Variants in CYTH4 observed in about 807,000 individuals in gnomAD.
The protein encoded by CYTH4 is cytohesin-4.
In CYTH4, 22 loss-of-function variants were observed where a neutral mutation model predicts 57.5. The observed-to-expected ratio is 0.38, with a 90% CI of 0.27 to 0.55. CYTH4 has a LOEUF of 0.55. Ranked by LOEUF, CYTH4 falls within the 20% of genes least tolerant of loss-of-function variation. The pLI is 0.74. For missense variants in CYTH4, 420 were observed against 535.6 expected (o/e 0.78, Z 2.13); for synonymous variants, 186 against 206.5 (o/e 0.90, Z 0.85).
chr22:37,294,601 C>G, intron 2 of CYTH4, 59 bp from the exon 3 acceptor site: 1 of 1,596,938 alleles, frequency 6.3e-7, no homozygotes. Flanking sequence ...TGGTCTCAAA[C>G]CCCCGGGGTT....
rs2269591 is a variant in CYTH4 at position 37,311,921 on chromosome 22, C to T, written c.958-99C>T. 574,044 of 1,457,480 alleles carry T rather than the reference C, an allele frequency of 0.39. 117,275 individuals are homozygous for T. Among genetic ancestry groups the T allele is most frequent in the South Asian group, 0.65 (50,430 of 77,158 alleles). The allele number at this position is 1,457,480 out of a possible 1,614,324, so 90.3% of individuals were successfully genotyped here. On this transcript the variant is annotated intron_variant, in intron 11 of 12. Transcript: ENST00000248901. This position sits in a 1 kb window ranked among gnomAD's most constrained non-coding sequence, Gnocchi z 4.4. ...CCCTTCGCCTGTCGTAGGGCTGTCA[C>T]GCTGATCAGGGACACTAGCGTCTGG...
intron 1 of CYTH4, among the ~76,000 whole-genome samples, chr22:37,287,532 C>G (rs1427399321): frequency 6.6e-6 from 1 of 152,172 alleles, no homozygotes; most frequent in Non-Finnish European, 1.5e-5. Context: ...TGGTTTTTTC[C>G]CATGGATGAG....
intron 1 of CYTH4, among the ~76,000 whole-genome samples, chr22:37,286,141 T>C (rs1928551477): frequency 6.6e-6 from 1 of 152,090 alleles, no homozygotes; most frequent in South Asian, 2.1e-4. Flanking sequence ...TTCTGCATCT[T>C]GCCTTTATTC....
At chr22:37,312,850 T>G (rs1191323070) in intron 12 of CYTH4, among the ~76,000 whole-genome samples, 1 of 152,202 alleles carries the variant, frequency 6.6e-6, no homozygotes. Flanking sequence ...GCTCAAGGCT[T>G]GACTCTGAGC....
chr22:37,308,021 G>A (rs957085097), intron 8 of CYTH4, among the ~76,000 whole-genome samples: 2 of 152,142 alleles, frequency 1.3e-5, no homozygotes, highest in Non-Finnish European at 1.5e-5. Flanking sequence ...CGTGGAGAAC[G>A]GCAGTCTGCT....
chr22:37,299,964 C>T (rs1929120248), intron 6 of CYTH4: 1 of 690,148 alleles, frequency 1.4e-6, no homozygotes, highest in African/African-American at 1.8e-5. Flanking sequence ...GCACTCCAGC[C>T]TGGGCAACAG....
chr22:37,300,782 G>C, intron 6 of CYTH4, 125 bp from the exon 7 acceptor site: 1 of 759,700 alleles, frequency 1.3e-6, no homozygotes, highest in South Asian at 1.7e-5. Context: ...CGTCAGCCCA[G>C]ATGACAGTTG....
In CYTH4 at chr22:37,314,119, C is replaced by T; in HGVS notation, c.*608C>T. 1 of 366,778 alleles carries T rather than the reference C, an allele frequency of 2.7e-6. No homozygotes were observed. The highest frequency in any genetic ancestry group is 4.8e-6 in the Non-Finnish European group (1 of 206,260). 22.7% of individuals were successfully genotyped at this position (366,778 alleles called of 1,614,324 possible). ...CCCCACGAGCTCAGTCCCAGCTCTG[C>T]CTCTGACTCGCTGTGTGCCCTCTGC... On this transcript the variant is annotated 3_prime_UTR_variant, in exon 13 of 13. Transcript: ENST00000248901.
chr22:37,303,172 C>T, intron 7 of CYTH4, 82 bp from the exon 8 acceptor site: 1 of 1,560,130 alleles, frequency 6.4e-7, no homozygotes. Flanking sequence ...CTTGCAATGG[C>T]AGTTCTGGGC....
chr22:37,312,789 C>T (rs574559728), intron 12 of CYTH4, among the ~76,000 whole-genome samples: 28 of 152,174 alleles, frequency 1.8e-4, no homozygotes, highest in African/African-American at 6.3e-4. Context: ...GTGCCACCAA[C>T]AGGAGAGACA....
intron 2 of CYTH4, among the ~76,000 whole-genome samples, 200 bp from the exon 3 acceptor site, chr22:37,294,460 G>A (rs1175920655): frequency 6.6e-6 from 1 of 152,030 alleles, no homozygotes; most frequent in Non-Finnish European, 1.5e-5. Flanking sequence ...TTTAGCATGC[G>A]ACTTAGAAAT....
At chr22:37,300,168 A>G (rs1276877679) in intron 6 of CYTH4, 1 of 717,614 alleles carries the variant, frequency 1.4e-6, no homozygotes, top group Admixed American at 2.0e-5. Flanking sequence ...GAGAAGGAGC[A>G]TCTGATCTGG....
chr22:37,286,146 T>G (rs181001664), intron 1 of CYTH4, among the ~76,000 whole-genome samples: 125 of 152,238 alleles, frequency 8.2e-4, no homozygotes, highest in Non-Finnish European at 9.6e-4. Flanking sequence ...CATCTTGCCT[T>G]TATTCTGAAA....
intron 8 of CYTH4, 139 bp downstream of exon 8, chr22:37,303,541 T>C: frequency 7.9e-7 from 1 of 1,261,522 alleles, no homozygotes; most frequent in East Asian, 2.7e-5. Flanking sequence ...ACCCAGGCTG[T>C]GACTGTCTTG....
At chr22:37,310,519 A>G (rs1257272483) in intron 9 of CYTH4, among the ~76,000 whole-genome samples, 1 of 152,346 alleles carries the variant, frequency 6.6e-6, no homozygotes, top group Admixed American at 6.5e-5. Flanking sequence ...TTACCTCTCC[A>G]TGACTGTTTC....
intron 8 of CYTH4, among the ~76,000 whole-genome samples, chr22:37,306,963 G>C (rs1196496419): frequency 2.6e-5 from 4 of 152,262 alleles, no homozygotes; most frequent in Non-Finnish European, 5.9e-5. Flanking sequence ...CCCTCCTGGA[G>C]CCTGGGGCTG....
At position 37,311,150 on chromosome 22, in the gene CYTH4, C is replaced by T. The variant is rs1184261535; in HGVS notation, c.885+86C>T. On this transcript the variant is annotated intron_variant, in intron 10 of 12. Coordinates refer to ENST00000248901, the MANE Select transcript of CYTH4 (RefSeq NM_013385.5). The surrounding 1 kb of genome is among the most constrained non-coding windows in gnomAD (Gnocchi z 4.4). Reference sequence around the variant, plus strand: ...CAACTCCCACTGAGCAGTCGACTCACACAGCTTTGGATCCTTTGAGATCAT... The same window carrying T: ...CAACTCCCACTGAGCAGTCGACTCATACAGCTTTGGATCCTTTGAGATCAT... The T allele has an allele frequency of 5.6e-6, 8 of 1,428,234 alleles. No homozygotes were observed. In the East Asian group the frequency reaches 1.8e-4, roughly 32 times the overall value. 88.5% of individuals were successfully genotyped at this position (1,428,234 alleles called of 1,614,324 possible).
At position 37,295,982 on chromosome 22, in the gene CYTH4, CGTCCTCAT is replaced by C. The variant is rs762933942; in HGVS notation, c.168-12_168-5del. 5.6e-6 allele frequency: 9 copies of C among 1,610,460 alleles called. No individual in the cohort carries two copies. On this transcript the variant is annotated splice_polypyrimidine_tract_variant and intron_variant, in intron 3 of 12. Coordinates refer to ENST00000248901, the MANE Select transcript of CYTH4 (RefSeq NM_013385.5). The surrounding 1 kb of genome is among the most constrained non-coding windows in gnomAD (Gnocchi z 4.1). ...AGGGTCCTGGGGCAGCCCAAGCTGA[CGTCCTCAT>C]GTCCACAGCCGGATGGCCCAGAAGG...
At chr22:37,283,923 G>T (rs1254577231) in intron 1 of CYTH4, among the ~76,000 whole-genome samples, 1 of 152,070 alleles carries the variant, frequency 6.6e-6, no homozygotes, top group East Asian at 1.9e-4. Flanking sequence ...CCCTGCCTGT[G>T]TGTCCAGCAG....
Sources: gnomAD v4.1 joint callset for allele counts (sites outside exome capture counted in the v4.1 genomes callset) on GRCh38, gnomAD v4.1.1 for gene constraint, Gnocchi (gnomAD v3.1) non-coding constraint, MANE v1.5 for transcripts, NCBI Gene and HGNC (gene_info 2026-07-23, HGNC 2026-07-21) for gene names.